ZCCHC2: variants seen among roughly 807,000 people sequenced by gnomAD.
ZCCHC2 encodes zinc finger CCHC-type containing 2.
ZCCHC2 carries 39 observed loss-of-function variants against 103.6 expected under a neutral mutation model. That is an observed-to-expected ratio of 0.38 (90% confidence interval 0.29 to 0.49). The LOEUF is 0.49. Ranked by LOEUF, ZCCHC2 falls within the 20% of genes least tolerant of loss-of-function variation. The pLI, the probability that ZCCHC2 is intolerant of heterozygous loss-of-function variation, is 0.96. For missense variants in ZCCHC2, 1,483 were observed against 1,491.0 expected (o/e 0.99, Z 0.09); for synonymous variants, 687 against 608.9 (o/e 1.13, Z -1.89).
chr18:62,558,578 TCAC>T, intron 6 of ZCCHC2, 106 bp from the exon 7 acceptor site: 1 of 612,274 alleles, frequency 1.6e-6, no homozygotes, highest in Non-Finnish European at 2.7e-6. Flanking sequence ...CATGTTTTCT[TCAC>T]CACTCACCCT....
intron 1 of ZCCHC2, among the ~76,000 whole-genome samples, chr18:62,532,572 T>TC (rs989909512): frequency 6.6e-6 from 1 of 152,274 alleles, no homozygotes; most frequent in Non-Finnish European, 1.5e-5. Context: ...TTTTCATATA[T>TC]CCCCCCTTTC....
intron 4 of ZCCHC2, among the ~76,000 whole-genome samples, chr18:62,546,643 A>G (rs1915423873): frequency 1.3e-5 from 2 of 152,198 alleles, no homozygotes. Context: ...CCTGTCCCTC[A>G]TGCTGAGAGA....
chr18:62,527,596 A>G (rs1283131459), intron 1 of ZCCHC2, among the ~76,000 whole-genome samples: 3 of 152,220 alleles, frequency 2.0e-5, no homozygotes, highest in East Asian at 1.9e-4. Flanking sequence ...AGGCTTGTAC[A>G]TAAATCTCAC....
intron 1 of ZCCHC2, among the ~76,000 whole-genome samples, chr18:62,538,681 C>T (rs1388250531): frequency 6.6e-6 from 1 of 152,132 alleles, no homozygotes; most frequent in African/African-American, 2.4e-5. Flanking sequence ...AGAAGTTTAG[C>T]TCCCAAAAGT....
Position 62,523,409 on chromosome 18 carries a change from G to A in ZCCHC2, c.-16G>A, listed in dbSNP as rs903458589. ...CGCCCGCCCCCGCTCGCATGTCTGC[G>A]CCGCCCTAGCCGAGGATGCTGAGGA... On this transcript the variant is annotated 5_prime_UTR_variant, in exon 1 of 14. Coordinates refer to ENST00000269499, the MANE Select transcript of ZCCHC2 (RefSeq NM_017742.6). 1 of 1,029,668 alleles carries A rather than the reference G, an allele frequency of 9.7e-7. No individual in the cohort carries two copies. Among genetic ancestry groups the A allele is most frequent in the South Asian group, 3.0e-5 (1 of 33,076 alleles). The allele number at this position is 1,029,668 out of a possible 1,614,324, so 63.8% of individuals were successfully genotyped here.
rs1914110864 is a variant in ZCCHC2, at chr18:62,523,068, AC to A, written c.-356del. 1 of 152,060 alleles carries A rather than the reference AC, an allele frequency of 6.6e-6. No individual in the cohort carries two copies. The highest frequency in any genetic ancestry group is 2.4e-5 in the African/African-American group (1 of 41,382). 9.4% of individuals were successfully genotyped at this position (152,060 alleles called of 1,614,324 possible). ...TCCGTCCTCACCGGCTCGCGAGGGAACAGCTCAGGCACCGCCGCCCCGGCTC... is the reference window on the plus strand; with the variant it reads ...TCCGTCCTCACCGGCTCGCGAGGGAAAGCTCAGGCACCGCCGCCCCGGCTC... On this transcript the variant is annotated 5_prime_UTR_variant, in exon 1 of 14. Coordinates refer to ENST00000269499, the MANE Select transcript of ZCCHC2 (RefSeq NM_017742.6).
chr18:62,559,797 A>G (rs955191058), intron 7 of ZCCHC2, among the ~76,000 whole-genome samples: 4 of 152,244 alleles, frequency 2.6e-5, no homozygotes, highest in African/African-American at 9.6e-5. Flanking sequence ...TTTATAGTAC[A>G]ATTGGCTCTC....
intron 1 of ZCCHC2, among the ~76,000 whole-genome samples, chr18:62,535,981 A>G (rs949506220): frequency 3.3e-5 from 5 of 152,256 alleles, no homozygotes; most frequent in Non-Finnish European, 5.9e-5. Flanking sequence ...TTAAATTTAT[A>G]GTCTATATCG....
rs1459611248 is a variant in ZCCHC2 at position 62,523,446 on chromosome 18, C to A, written c.22C>A (p.Leu8Met). 1.8e-6 allele frequency: 2 copies of A among 1,104,840 alleles called. No individual in the cohort carries two copies. Among genetic ancestry groups the A allele is most frequent in the Non-Finnish European group, 2.2e-6 (2 of 893,548 alleles). 68.4% of individuals were successfully genotyped at this position (1,104,840 alleles called of 1,614,324 possible). Residue 8 changes from leucine (L) to methionine (M), a missense_variant, in exon 1 of 14, where the codon CTG (leucine) becomes ATG (methionine). Leu to Met is a conservative substitution (Grantham distance 15, BLOSUM62 2). Transcript: ENST00000269499. Reference sequence around the variant, plus strand: ...GAGGATGCTGAGGATGAAGCTGCCGCTGAAGCCAACGCACCCCGCGGAGCC... The same window carrying A: ...GAGGATGCTGAGGATGAAGCTGCCGATGAAGCCAACGCACCCCGCGGAGCC... MLRMKLPLKPTHPAEPPP... is the reference protein window; with the variant it reads MLRMKLPMKPTHPAEPPP...
intron 5 of ZCCHC2, 102 bp from the exon 6 acceptor site, chr18:62,556,101 C>A: frequency 1.2e-6 from 1 of 803,180 alleles, no homozygotes; most frequent in Non-Finnish European, 1.9e-6. Flanking sequence ...TTTTCCATAC[C>A]TGAATTAAAC....
At chr18:62,573,355 A>G (rs1406543030) in intron 12 of ZCCHC2, among the ~76,000 whole-genome samples, 1 of 152,158 alleles carries the variant, frequency 6.6e-6, no homozygotes, top group African/African-American at 2.4e-5. Flanking sequence ...ATTTCTGTAC[A>G]CAAGCGTAAG....
intron 5 of ZCCHC2, among the ~76,000 whole-genome samples, chr18:62,555,975 A>G (rs570729690): frequency 1.3e-5 from 2 of 152,358 alleles, no homozygotes; most frequent in East Asian, 1.9e-4. Context: ...AGATTATACA[A>G]AATTAAAAAT....
chr18:62,553,606 TGGTC>T (rs1044773182), intron 5 of ZCCHC2, among the ~76,000 whole-genome samples: 2 of 152,230 alleles, frequency 1.3e-5, no homozygotes, highest in Non-Finnish European at 2.9e-5. Flanking sequence ...ATAATGTAAT[TGGTC>T]AAAAGTTACA....
At chr18:62,548,856 C>G (rs1272478150) in intron 4 of ZCCHC2, among the ~76,000 whole-genome samples, 2 of 151,998 alleles carry the variant, frequency 1.3e-5, no homozygotes, top group Non-Finnish European at 1.5e-5. Context: ...ACCCAGAAGG[C>G]AGAGGTTGCA....
At chr18:62,569,501 G>GAA (rs146238632) in intron 11 of ZCCHC2, among the ~76,000 whole-genome samples, 58,961 of 148,956 alleles carry the variant, frequency 0.4, 11,930 homozygotes, top group African/African-American at 0.5. Context: ...GCCACTACAG[G>GAA]AAAAAAAAAA....
At position 62,570,154 on chromosome 18, in the gene ZCCHC2, C is replaced by T. The variant is rs1484239496; in HGVS notation, c.1898C>T (p.Ser633Leu). The T allele has an allele frequency of 3.7e-6, 6 of 1,612,110 alleles. No homozygotes were observed. The highest frequency in any genetic ancestry group is 2.7e-5 in the African/African-American group (2 of 74,870). Reference sequence around the variant, plus strand: ...CATGACACATGTGGAGAAACATCTTCAGAGAGTTACAGTTCTCCATCTAGT... The same window carrying T: ...CATGACACATGTGGAGAAACATCTTTAGAGAGTTACAGTTCTCCATCTAGT... ...SGHDTCGETS[S>L]ESYSSPSSPR... Residue 633 changes from serine to leucine, a missense_variant, in exon 12 of 14, where the codon TCA becomes TTA. Physicochemically the swap from Ser to Leu is moderately radical, Grantham distance 145. Transcript: ENST00000269499.
chr18:62,524,388 A>G (rs1218534801), intron 1 of ZCCHC2, 25 bp downstream of exon 1: 2 of 1,447,696 alleles, frequency 1.4e-6, no homozygotes, highest in Admixed American at 2.7e-5. Context: ...GCCTCCCTGG[A>G]CTCGCGGTGC....
chr18:62,538,742 G>T (rs973422257), intron 1 of ZCCHC2, among the ~76,000 whole-genome samples: 1 of 152,168 alleles, frequency 6.6e-6, no homozygotes, highest in African/African-American at 2.4e-5. Context: ...TTACTGTCGG[G>T]TCGGGATGTG....
At chr18:62,544,962 A>G in intron 4 of ZCCHC2, 89 bp downstream of exon 4, 1 of 1,047,402 alleles carries the variant, frequency 9.5e-7, no homozygotes, top group African/African-American at 1.7e-5. Context: ...AGGAAAATTA[A>G]AACATACAGA....
Sources: allele counts gnomAD v4.1 joint callset (sites outside exome capture counted in the v4.1 genomes callset), GRCh38; gene constraint gnomAD v4.1.1; transcripts MANE v1.5; gene names NCBI Gene and HGNC (gene_info 2026-07-23, HGNC 2026-07-21).